Variants in AHDC1 observed in about 807,000 individuals in gnomAD.
The protein encoded by AHDC1 is transcription factor Gibbin.
Under a neutral mutation model 87.9 loss-of-function variants are expected in AHDC1, and 7 were observed. That is an observed-to-expected ratio of 0.08 (90% CI 0.05 to 0.15). The LOEUF is 0.15. Among genes scored for constraint, AHDC1 ranks in the 10% least tolerant of loss-of-function variants. The probability of loss-of-function intolerance (pLI) is 1.00; values close to 1 mark genes in which losing one functional copy is unlikely to be tolerated. For missense variants in AHDC1, 1,841 were observed against 2,253.2 expected, an observed-to-expected ratio of 0.82 and a Z score of 3.70; for synonymous variants, 1,051 against 1,006.8, an observed-to-expected ratio of 1.04 and a Z score of -0.83.
At chr1:27,576,573 C>A (rs571954629) in intron 3 of AHDC1, among the ~76,000 whole-genome samples, 1 of 152,336 alleles carries the variant, frequency 6.6e-6, no homozygotes, top group South Asian at 2.1e-4. Context: ...CCAAAGGTCA[C>A]ACAATGTCAG....
intron 8 of AHDC1, among the ~76,000 whole-genome samples, chr1:27,535,117 C>T (rs890503739): frequency 2.6e-5 from 4 of 152,102 alleles, no homozygotes; most frequent in African/African-American, 7.2e-5. Context: ...GTAAAATATG[C>T]GTGTCCAAGC....
At chr1:27,541,593 A>G (rs1035259819) in intron 8 of AHDC1, among the ~76,000 whole-genome samples, 1 of 147,622 alleles carries the variant, frequency 6.8e-6, no homozygotes, top group African/African-American at 2.5e-5. Context: ...TGCTGGAATT[A>G]CAGGCATCAG....
intron 8 of AHDC1, among the ~76,000 whole-genome samples, chr1:27,536,594 T>C (rs1396196652): frequency 6.6e-6 from 1 of 152,050 alleles, no homozygotes; most frequent in African/African-American, 2.4e-5. Flanking sequence ...GGGTGTCTAT[T>C]AGGGAGCAGA....
At position 27,547,521 on chromosome 1, in the gene AHDC1, G is replaced by T; in HGVS notation, c.4595C>A (p.Ala1532Asp). 1 of 1,610,280 alleles carries T rather than the reference G, an allele frequency of 6.2e-7. No individual in the cohort carries two copies. The highest frequency in any genetic ancestry group is 8.5e-7 in the Non-Finnish European group (1 of 1,178,028). ...ARPPGPPRGP[A>D]AAAAGYGCPL... ...GCAGCCATAGCCAGCAGCGGCTGCAGCAGGGCCACGGGGTGGGCCAGGGGG... is the reference window on the plus strand; with the variant it reads ...GCAGCCATAGCCAGCAGCGGCTGCATCAGGGCCACGGGGTGGGCCAGGGGG... The change falls in exon 8 of 9, where the codon GCT becomes GAT. Residue 1532 changes from alanine to aspartate, a missense_variant. This residue lies in a region of AHDC1 where 505 missense variants were observed against 626.2 expected (regional missense o/e 0.81). Transcript: ENST00000673934. The surrounding 1 kb of genome is among the most constrained non-coding windows in gnomAD (Gnocchi z 4.9).
chr1:27,567,990 G>A (rs568061894), intron 3 of AHDC1: 2 of 152,408 alleles, frequency 1.3e-5, no homozygotes, highest in East Asian at 3.9e-4. Flanking sequence ...CCTGAAGGAA[G>A]CTGGGAAACC....
intron 3 of AHDC1, among the ~76,000 whole-genome samples, chr1:27,585,654 C>T (rs947429831): frequency 6.6e-5 from 10 of 152,124 alleles, no homozygotes; most frequent in African/African-American, 2.4e-4. Flanking sequence ...TGCACACCTT[C>T]GAGAAGCCCC....
chr1:27,584,332 C>T (rs1258230782), intron 3 of AHDC1, among the ~76,000 whole-genome samples: 6 of 152,140 alleles, frequency 3.9e-5, no homozygotes, highest in African/African-American at 1.4e-4. Context: ...TCACTGAGCC[C>T]CTGCTCCAAA....
intron 5 of AHDC1, among the ~76,000 whole-genome samples, chr1:27,557,540 C>A (rs1482851692): frequency 2.0e-5 from 3 of 152,194 alleles, no homozygotes; most frequent in Non-Finnish European, 4.4e-5. Flanking sequence ...CAGCTCAAGG[C>A]TTGCCCAACC....
At chr1:27,544,489 T>A (rs1160994596) in intron 8 of AHDC1, among the ~76,000 whole-genome samples, 1 of 152,204 alleles carries the variant, frequency 6.6e-6, no homozygotes, top group Admixed American at 6.5e-5. Flanking sequence ...ACACAGGGGC[T>A]CAGGTTGGGA....
At chr1:27,587,496 A>C (rs2089093229) in intron 3 of AHDC1, among the ~76,000 whole-genome samples, 1 of 152,026 alleles carries the variant, frequency 6.6e-6, no homozygotes. Flanking sequence ...CCCTGCCCAA[A>C]TTCTACCAGC....
chr1:27,577,639 C>G (rs998989827), intron 3 of AHDC1, among the ~76,000 whole-genome samples: 1 of 152,240 alleles, frequency 6.6e-6, no homozygotes, highest in Non-Finnish European at 1.5e-5. Flanking sequence ...CACTCCGCCC[C>G]GGAAACCTGG....
chr1:27,538,653 T>A (rs2018761641), intron 8 of AHDC1, among the ~76,000 whole-genome samples: 1 of 151,928 alleles, frequency 6.6e-6, no homozygotes, highest in African/African-American at 2.4e-5. Flanking sequence ...TAGCTGGTAC[T>A]ACAGGCGCAC....
At chr1:27,573,461 G>A (rs2088608302) in intron 3 of AHDC1, among the ~76,000 whole-genome samples, 2 of 152,216 alleles carry the variant, frequency 1.3e-5, no homozygotes, top group African/African-American at 2.4e-5. Context: ...GCAGAGGGAG[G>A]TGGAACCGAC....
rs750639747 is a variant in AHDC1, at chr1:27,549,653, T to C, written c.2463A>G (p.Ala821=). The C allele has an allele frequency of 6.2e-6, 10 of 1,613,060 alleles. No individual in the cohort carries two copies. The South Asian group carries it at 1.1e-4, about 18-fold the overall frequency. ...GGCTGAGCTCGGTCTGGCCTGAGGG[T>C]GCACCCGTGCTGTAGTAGCTGCCAC... ...SGRGSYYSTG[A]PSGQTELSQE... The change falls in exon 8 of 9, where the codon GCA becomes GCG. Residue 821 remains alanine, a synonymous_variant. Coordinates refer to ENST00000673934, the MANE Select transcript of AHDC1 (RefSeq NM_001371928.1).
At chr1:27,568,591 GGCGGGCCGC>G (rs1362765430) in intron 3 of AHDC1, among the ~76,000 whole-genome samples, 1 of 152,130 alleles carries the variant, frequency 6.6e-6, no homozygotes, top group African/African-American at 2.4e-5. Context: ...CCCGCGAGGG[GGCGGGCCGC>G]GCGGGCCGGG....
chr1:27,604,073 C>A, intron 1 of AHDC1, 33 bp downstream of exon 1: 1 of 154,030 alleles, frequency 6.5e-6, no homozygotes, highest in South Asian at 1.8e-4. Flanking sequence ...TCGCTCGCTC[C>A]CTCCCTCCGT....
chr1:27,548,652 T>C lies in AHDC1; in HGVS notation c.3464A>G (p.Gln1155Arg). ...GAAGGTCTCCGACACAGCCGTCTGC[T>C]GCTTCACCTTCTGCGGTGTGTAGTT... ...ISNYTPQKVK[Q>R]QTAVSETFSE... Residue 1155 changes from glutamine to arginine, a missense_variant, in exon 8 of 9, where the codon CAG (glutamine) becomes CGG (arginine). Gln to Arg is a conservative substitution (Grantham distance 43). This residue lies in a region of AHDC1 where 505 missense variants were observed against 626.2 expected (regional missense o/e 0.81). Coordinates refer to ENST00000673934, the MANE Select transcript of AHDC1 (RefSeq NM_001371928.1). 3 of 1,613,470 alleles carry C rather than the reference T, an allele frequency of 1.9e-6. No homozygotes were observed. The highest frequency in any genetic ancestry group is 2.5e-6 in the Non-Finnish European group (3 of 1,180,042).
intron 3 of AHDC1, among the ~76,000 whole-genome samples, chr1:27,566,680 TGGA>T (rs541686229): frequency 9.2e-4 from 25 of 27,300 alleles, no homozygotes; most frequent in East Asian, 3.9e-3. Flanking sequence ...GGGAGGGGGG[TGGA>T]GGAGGAGGAG....
intron 3 of AHDC1, among the ~76,000 whole-genome samples, chr1:27,570,212 C>T (rs529455805): frequency 2.2e-4 from 34 of 151,902 alleles, no homozygotes; most frequent in Admixed American, 2.0e-3. Flanking sequence ...GCTGCCCTGC[C>T]GGGATCAGAT....
Sources: allele counts gnomAD v4.1 joint callset (sites outside exome capture counted in the v4.1 genomes callset), GRCh38; gene constraint gnomAD v4.1.1; regional missense constraint gnomAD v4.1.1; non-coding constraint Gnocchi (gnomAD v3.1); transcripts MANE v1.5; gene names NCBI Gene and HGNC (gene_info 2026-07-23, HGNC 2026-07-21).